The following ESRRG variants were observed in gnomAD, a reference collection of about 807,000 sequenced individuals.
ESRRG encodes the protein estrogen related receptor gamma.
In ESRRG, 13 loss-of-function variants were observed where a neutral mutation model predicts 44.0. The ratio of observed to expected loss-of-function variants is 0.30; its 90% CI spans 0.19 to 0.47. The LOEUF is 0.47. Ranked by LOEUF, ESRRG falls within the 20% of genes least tolerant of loss-of-function variation. ESRRG has a pLI of 1.00. For synonymous variants in ESRRG, 215 were observed against 214.6 expected (o/e 1.00, Z -0.02); for missense variants, 395 against 580.6 (o/e 0.68, Z 3.29).
At chr1:217,060,137 G>A (rs1028488206) in intron 1 of ESRRG, among the ~76,000 whole-genome samples, 60 of 149,852 alleles carry the variant, frequency 4.0e-4, no homozygotes, top group Admixed American at 4.0e-3. Flanking sequence ...ATATACTTAT[G>A]CAACATTAAT....
chr1:217,110,461 C>G (rs1432226801), intron 1 of ESRRG, among the ~76,000 whole-genome samples: 1 of 152,128 alleles, frequency 6.6e-6, no homozygotes, highest in Non-Finnish European at 1.5e-5. Context: ...AAGGAAATAC[C>G]TGAGACTGGA....
chr1:216,641,923 T>A (rs1026587563), intron 3 of ESRRG, among the ~76,000 whole-genome samples: 3 of 152,162 alleles, frequency 2.0e-5, no homozygotes, highest in African/African-American at 7.2e-5. Flanking sequence ...CATAGTTCAT[T>A]CTATTTCTGG....
At chr1:216,947,888 G>A (rs924444920) in intron 1 of ESRRG, among the ~76,000 whole-genome samples, 1 of 152,206 alleles carries the variant, frequency 6.6e-6, no homozygotes, top group African/African-American at 2.4e-5. Context: ...AGTGACAGGA[G>A]CCTCCCCATA....
At chr1:217,057,876 G>A (rs763173979) in intron 1 of ESRRG, among the ~76,000 whole-genome samples, 2 of 152,062 alleles carry the variant, frequency 1.3e-5, no homozygotes, top group African/African-American at 2.4e-5. Flanking sequence ...TTTATGTGTG[G>A]CCCAAGATAA....
chr1:216,563,035 T>A lies in ESRRG; in HGVS notation c.862+1184A>T, dbSNP rs550376852. On this transcript the variant is annotated intron_variant, in intron 5 of 6. Coordinates refer to ENST00000408911, the MANE Select transcript of ESRRG (RefSeq NM_001438.4). ...CACAATCAAATTCTTATTCTTCTTT[T>A]ATATGTAGTAATCCTTGTGTAGGTG... Among the ~76,000 whole-genome samples the A allele has an allele frequency of 2.6e-5, 4 of 152,324 alleles. No homozygotes were observed. In the East Asian group the frequency reaches 7.7e-4, roughly 29 times the overall value.
rs76225208 is a variant in ESRRG at position 217,029,520 on chromosome 1, A to C, written c.-106+59987T>G. 2.0e-3 allele frequency among the ~76,000 whole-genome samples: 301 copies of C among 152,330 alleles called. 2 individuals are homozygous for C. The highest frequency in any genetic ancestry group is 7.0e-3 in the African/African-American group (293 of 41,562). On this transcript the variant is annotated intron_variant, in intron 1 of 7. Coordinates refer to the ESRRG transcript ENST00000359162. Reference sequence around the variant, plus strand: ...GGTCCTGCCAGTTGTCATAAAGTTAATTTTCTAATATGTTGCGAAACGCAT... The same window carrying C: ...GGTCCTGCCAGTTGTCATAAAGTTACTTTTCTAATATGTTGCGAAACGCAT...
intron 3 of ESRRG, among the ~76,000 whole-genome samples, chr1:216,650,573 G>T (rs371290675): frequency 2.6e-5 from 4 of 151,508 alleles, no homozygotes; most frequent in East Asian, 1.9e-4. Context: ...GGTTGGGAAA[G>T]AACAAAGAGT....
chr1:216,814,734 G>A (rs2095080483), intron 2 of ESRRG, among the ~76,000 whole-genome samples: 1 of 152,054 alleles, frequency 6.6e-6, no homozygotes, highest in Non-Finnish European at 1.5e-5. Flanking sequence ...GCCTTTTTCT[G>A]TCCAAGGCTC....
Position 216,731,655 on chromosome 1 carries a change from C to G in ESRRG, c.-13-54164G>C, listed in dbSNP as rs1317364271. ...ATACGTACCCCCAAAATATGTACAA[C>G]TATTATGTATCAATTTTAAAAAGAG... On this transcript the variant is annotated intron_variant, in intron 2 of 7. Transcript: ENST00000359162. Among the ~76,000 whole-genome samples, 4 of 152,206 alleles carry G rather than the reference C, an allele frequency of 2.6e-5. No individual in the cohort carries two copies. The East Asian group carries it at 7.7e-4, about 29-fold the overall frequency.
At chr1:217,002,856 AC>A (rs1251051584) in intron 1 of ESRRG, among the ~76,000 whole-genome samples, 1 of 152,052 alleles carries the variant, frequency 6.6e-6, no homozygotes, top group Non-Finnish European at 1.5e-5. Context: ...GGTGACTGCA[AC>A]CCCCTGGTGA....
chr1:216,783,136 T>C (rs986500657), intron 2 of ESRRG, among the ~76,000 whole-genome samples: 1 of 152,112 alleles, frequency 6.6e-6, no homozygotes, highest in Non-Finnish European at 1.5e-5. Flanking sequence ...ATGATCCATA[T>C]AATTTGAAAA....
At chr1:217,079,719 C>A (rs1052864595) in intron 1 of ESRRG, among the ~76,000 whole-genome samples, 2 of 152,168 alleles carry the variant, frequency 1.3e-5, no homozygotes, top group East Asian at 3.8e-4. Flanking sequence ...TAACACATGT[C>A]AAGGGCTTAC....
At chr1:216,815,080 A>G (rs1011977305) in intron 2 of ESRRG, among the ~76,000 whole-genome samples, 4 of 152,176 alleles carry the variant, frequency 2.6e-5, no homozygotes, top group Non-Finnish European at 5.9e-5. Context: ...GGTTAGCATA[A>G]TAGCATGAAA....
chr1:217,074,006 AC>A (rs976682357), intron 1 of ESRRG, among the ~76,000 whole-genome samples: 2 of 149,552 alleles, frequency 1.3e-5, no homozygotes, highest in African/African-American at 4.9e-5. Context: ...ATCTTTGTGA[AC>A]CCCTACTTTA....
At chr1:217,128,547 G>A (rs1243769724) in intron 1 of ESRRG, among the ~76,000 whole-genome samples, 1 of 152,042 alleles carries the variant, frequency 6.6e-6, no homozygotes, top group Non-Finnish European at 1.5e-5. Context: ...TTAAACAGAG[G>A]AGACTATTTG....
chr1:216,580,022 G>C (rs1422409029), intron 3 of ESRRG, among the ~76,000 whole-genome samples: 1 of 152,114 alleles, frequency 6.6e-6, no homozygotes, highest in African/African-American at 2.4e-5. Flanking sequence ...GGAGTGCATA[G>C]TGAAAATGAC....
intron 1 of ESRRG, among the ~76,000 whole-genome samples, chr1:216,705,273 A>C (rs1322095178): frequency 6.6e-6 from 1 of 152,128 alleles, no homozygotes; most frequent in Non-Finnish European, 1.5e-5. Flanking sequence ...CATGGTAGCC[A>C]ACTAAAATAT....
intron 3 of ESRRG, among the ~76,000 whole-genome samples, chr1:216,645,515 A>C (rs1011863065): frequency 2.0e-5 from 3 of 152,274 alleles, no homozygotes; most frequent in East Asian, 3.9e-4. Flanking sequence ...AGACTCTTAG[A>C]GATGAATGGA....
At chr1:216,891,402 T>C (rs2057766999) in intron 2 of ESRRG, among the ~76,000 whole-genome samples, 1 of 152,248 alleles carries the variant, frequency 6.6e-6, no homozygotes, top group Non-Finnish European at 1.5e-5. Context: ...TAGAAAATCC[T>C]TTCCTTTGCA....
Sources: gnomAD v4.1 joint callset for allele counts (sites outside exome capture counted in the v4.1 genomes callset) on GRCh38, gnomAD v4.1.1 for gene constraint, MANE v1.5 for transcripts, NCBI Gene and HGNC (gene_info 2026-07-23, HGNC 2026-07-21) for gene names.